Variants in CDIN1 observed in about 807,000 individuals in gnomAD.
CDIN1 encodes the protein CDAN1-interacting nuclease 1.
Under a neutral mutation model 45.3 loss-of-function variants are expected in CDIN1, and 33 were observed. The observed-to-expected ratio is 0.73, with a 90% CI of 0.55 to 0.97. The LOEUF (loss-of-function observed/expected upper bound fraction) is 0.97, where lower values mean the gene tolerates loss of function less well. Ranked by LOEUF, CDIN1 falls within the 50% of genes least tolerant of loss-of-function variation. The pLI is 0.00. For missense variants in CDIN1, 303 were observed against 339.4 expected, an observed-to-expected ratio of 0.89 and a Z score of 0.84; for synonymous variants, 118 against 124.4, an observed-to-expected ratio of 0.95 and a Z score of 0.34.
intron 1 of CDIN1, chr15:36,613,380 CCTTGT>C: frequency 1.1e-6 from 1 of 912,266 alleles, no homozygotes; most frequent in South Asian, 1.4e-5. Flanking sequence ...AAAAAGGATT[CCTTGT>C]CTTAAGAACT....
chr15:36,755,309 A>T (rs886212927), intron 10 of CDIN1, among the ~76,000 whole-genome samples: 3 of 152,178 alleles, frequency 2.0e-5, no homozygotes, highest in African/African-American at 7.2e-5. Flanking sequence ...CGGGCACCCA[A>T]ACCCTGCAAT....
intron 10 of CDIN1, among the ~76,000 whole-genome samples, chr15:36,803,246 T>C (rs2055109213): frequency 6.6e-6 from 1 of 150,544 alleles, no homozygotes; most frequent in African/African-American, 2.4e-5. Flanking sequence ...CTTAGCATCC[T>C]AGATATGCAG....
chr15:36,739,325 A>G (rs1321277886), intron 10 of CDIN1, among the ~76,000 whole-genome samples: 2 of 152,238 alleles, frequency 1.3e-5, no homozygotes, highest in African/African-American at 4.8e-5. Flanking sequence ...AGATCCCTTA[A>G]GCCCAGGAGT....
chr15:36,789,977 G>C (rs913951966), intron 10 of CDIN1, among the ~76,000 whole-genome samples: 6 of 152,092 alleles, frequency 3.9e-5, no homozygotes, highest in South Asian at 2.1e-4. Flanking sequence ...AAGCCTAAAG[G>C]GTGTTATAAA....
chr15:36,583,417 A>G (rs2037137252), intron 1 of CDIN1, among the ~76,000 whole-genome samples: 2 of 152,084 alleles, frequency 1.3e-5, no homozygotes, highest in Admixed American at 1.3e-4. Context: ...TGAAGTTACA[A>G]AATTATGTTT....
At chr15:36,690,254 A>G (rs996090908) in intron 5 of CDIN1, among the ~76,000 whole-genome samples, 3 of 151,970 alleles carry the variant, frequency 2.0e-5, no homozygotes, top group Non-Finnish European at 4.4e-5. Flanking sequence ...TTATTTCCAC[A>G]GTATTTACTA....
In CDIN1 at chr15:36,701,162, A is replaced by T. The variant is rs144816370; in HGVS notation, c.544+3772A>T. Among the ~76,000 whole-genome samples, 667 of 150,876 alleles carry T rather than the reference A, an allele frequency of 4.4e-3. 3 individuals are homozygous for T. Among genetic ancestry groups the T allele is most frequent in the African/African-American group, 0.016 (631 of 40,632 alleles). On this transcript the variant is annotated intron_variant, in intron 8 of 10. Transcript: ENST00000566621. ...GATAGATAGATAGATAGATAGATAG[A>T]TAGATAGATAGATATGAGCATTTAA...
intron 1 of CDIN1, among the ~76,000 whole-genome samples, chr15:36,634,563 A>G (rs1458029484): frequency 6.6e-6 from 1 of 152,172 alleles, no homozygotes; most frequent in Non-Finnish European, 1.5e-5. Flanking sequence ...ATTCTTATTT[A>G]TATTAATCTT....
At chr15:36,610,119 G>T (rs1214867989) in intron 1 of CDIN1, among the ~76,000 whole-genome samples, 1 of 152,176 alleles carries the variant, frequency 6.6e-6, no homozygotes, top group Non-Finnish European at 1.5e-5. Context: ...ACGAGAAAGG[G>T]TTCACAAACT....
chr15:36,617,907 T>G, intron 1 of CDIN1: 1 of 766,290 alleles, frequency 1.3e-6, no homozygotes, highest in Non-Finnish European at 2.4e-6. Context: ...ATAAAAGCCA[T>G]CAATACATTT....
At chr15:36,630,463 G>A (rs970224096) in intron 1 of CDIN1, among the ~76,000 whole-genome samples, 1 of 152,146 alleles carries the variant, frequency 6.6e-6, no homozygotes, top group Non-Finnish European at 1.5e-5. Context: ...GTGGAATTGA[G>A]ACCTACAAAT....
chr15:36,711,860 T>A (rs2043067368), intron 10 of CDIN1, among the ~76,000 whole-genome samples: 2 of 152,090 alleles, frequency 1.3e-5, no homozygotes, highest in Non-Finnish European at 1.5e-5. Flanking sequence ...AACTTTGGGG[T>A]ATTTACTTAT....
intron 4 of CDIN1, among the ~76,000 whole-genome samples, chr15:36,655,057 G>GT (rs2140455639): frequency 6.6e-6 from 1 of 152,300 alleles, no homozygotes; most frequent in Admixed American, 6.5e-5. Context: ...AGCATTAAGT[G>GT]TTGCAGTAGC....
chr15:36,653,592 A>G (rs1163380337), intron 3 of CDIN1, among the ~76,000 whole-genome samples: 1 of 152,072 alleles, frequency 6.6e-6, no homozygotes, highest in Non-Finnish European at 1.5e-5. Flanking sequence ...TCTAGGGCAG[A>G]TAAGGTGATG....
chr15:36,589,268 T>A (rs2037452797), intron 1 of CDIN1, among the ~76,000 whole-genome samples: 1 of 152,196 alleles, frequency 6.6e-6, no homozygotes, highest in African/African-American at 2.4e-5. Flanking sequence ...AAAAGTGACC[T>A]TAATATATGA....
At chr15:36,674,317 T>C (rs2041563159) in intron 5 of CDIN1, among the ~76,000 whole-genome samples, 2 of 152,264 alleles carry the variant, frequency 1.3e-5, no homozygotes, top group South Asian at 4.1e-4. Flanking sequence ...GGTCAATGCT[T>C]TACTGAAACA....
At chr15:36,724,794 T>C (rs1479737857) in intron 10 of CDIN1, among the ~76,000 whole-genome samples, 2 of 152,140 alleles carry the variant, frequency 1.3e-5, no homozygotes, top group Non-Finnish European at 2.9e-5. Context: ...CCTTCATCTC[T>C]TGCATTTGAA....
At chr15:36,629,278 A>T (rs549493959) in intron 1 of CDIN1, among the ~76,000 whole-genome samples, 50 of 152,314 alleles carry the variant, frequency 3.3e-4, no homozygotes, top group African/African-American at 1.1e-3. Context: ...TTTTAAGATA[A>T]AGTCTTGAGA....
At chr15:36,658,692 G>A (rs1284687909) in intron 5 of CDIN1, among the ~76,000 whole-genome samples, 3 of 152,166 alleles carry the variant, frequency 2.0e-5, no homozygotes, top group Non-Finnish European at 4.4e-5. Context: ...TAGGTAAAAA[G>A]CTTTGGAATA....
Sources: gnomAD v4.1 joint callset for allele counts (sites outside exome capture counted in the v4.1 genomes callset) on GRCh38, gnomAD v4.1.1 for gene constraint, MANE v1.5 for transcripts, NCBI Gene and HGNC (gene_info 2026-07-23, HGNC 2026-07-21) for gene names.